The following SGMS1 variants were observed in gnomAD, a reference collection of about 807,000 sequenced individuals.
SGMS1 encodes the protein phosphatidylcholine:ceramide cholinephosphotransferase 1.
SGMS1 carries 13 observed loss-of-function variants against 46.2 expected under a neutral mutation model. The observed-to-expected ratio is 0.28, with a 90% CI of 0.18 to 0.45. The LOEUF (loss-of-function observed/expected upper bound fraction) is 0.45. Among genes scored for constraint, SGMS1 ranks in the 20% least tolerant of loss-of-function variants. SGMS1 has a pLI of 1.00. For synonymous variants in SGMS1, 203 were observed against 187.8 expected, an observed-to-expected ratio of 1.08 and a Z score of -0.66; for missense variants, 324 against 519.9, an observed-to-expected ratio of 0.62 and a Z score of 3.66.
At chr10:50,602,581 G>T (rs1838658899) in intron 1 of SGMS1, among the ~76,000 whole-genome samples, 1 of 152,144 alleles carries the variant, frequency 6.6e-6, no homozygotes, top group Non-Finnish European at 1.5e-5. Context: ...ACTCTCCTAG[G>T]CATGAGAGGG....
chr10:50,424,912 C>CAA (rs55683387), intron 6 of SGMS1, among the ~76,000 whole-genome samples: 25 of 52,074 alleles, frequency 4.8e-4, no homozygotes, highest in African/African-American at 1.0e-3. Context: ...AACTCCGTCT[C>CAA]AAAAAAAAAA....
intron 2 of SGMS1, among the ~76,000 whole-genome samples, chr10:50,581,479 G>A (rs1838433680): frequency 6.6e-6 from 1 of 152,190 alleles, no homozygotes; most frequent in Non-Finnish European, 1.5e-5. Flanking sequence ...TGTTGCTTTT[G>A]TTGCTGACAT....
intron 7 of SGMS1, chr10:50,341,369 A>C (rs755218527): frequency 2.2e-6 from 1 of 456,084 alleles, no homozygotes; most frequent in South Asian, 1.5e-5. Context: ...GATGGACCCC[A>C]GTAGAAGGAC....
intron 5 of SGMS1, among the ~76,000 whole-genome samples, chr10:50,448,385 A>T (rs556695207): frequency 3.9e-4 from 60 of 152,336 alleles, no homozygotes; most frequent in African/African-American, 1.3e-3. Flanking sequence ...ATCTATTGTG[A>T]TACCATATAC....
intron 3 of SGMS1, among the ~76,000 whole-genome samples, chr10:50,512,728 C>T (rs1837768174): frequency 6.6e-6 from 1 of 152,218 alleles, no homozygotes; most frequent in African/African-American, 2.4e-5. Flanking sequence ...CGCAAGAACT[C>T]CCAAATCAAA....
chr10:50,324,731 A>T (rs1462094667), intron 8 of SGMS1, among the ~76,000 whole-genome samples: 3 of 152,240 alleles, frequency 2.0e-5, no homozygotes, highest in African/African-American at 7.2e-5. Flanking sequence ...AAGTCTGCAG[A>T]GCCAACTTTC....
chr10:50,474,671 ATTGT>A (rs1837404505), intron 3 of SGMS1, among the ~76,000 whole-genome samples: 1 of 152,128 alleles, frequency 6.6e-6, no homozygotes, highest in Non-Finnish European at 1.5e-5. Flanking sequence ...CATACTGTTG[ATTGT>A]TCTATTTTTC....
intron 2 of SGMS1, among the ~76,000 whole-genome samples, chr10:50,537,240 A>AACGG (rs887664546): frequency 1.5e-4 from 23 of 152,258 alleles, no homozygotes; most frequent in African/African-American, 4.8e-4. Context: ...CTTTCTGATC[A>AACGG]ACGGACAAAG....
At chr10:50,354,034 C>G (rs1398401720) in intron 6 of SGMS1, among the ~76,000 whole-genome samples, 6 of 151,856 alleles carry the variant, frequency 4.0e-5, no homozygotes, top group Admixed American at 3.3e-4. Flanking sequence ...TTTATAGATT[C>G]AATGCCATCC....
chr10:50,500,711 T>C (rs892112411), intron 3 of SGMS1, among the ~76,000 whole-genome samples: 4 of 152,220 alleles, frequency 2.6e-5, no homozygotes, highest in African/African-American at 9.6e-5. Flanking sequence ...AAAACCTTAA[T>C]TATGTTACTG....
chr10:50,337,872 CAA>C lies in SGMS1; in HGVS notation c.623+5618_623+5619del, dbSNP rs56330245. Among the ~76,000 whole-genome samples, 476 of 102,742 alleles carry C rather than the reference CAA, an allele frequency of 4.6e-3. 2 individuals carry two copies. The highest frequency in any genetic ancestry group is 0.015 in the African/African-American group (378 of 25,656). 67.4% of individuals were successfully genotyped at this position (102,742 alleles called of 152,430 possible). ...AAAAGGCTTATCAAAGGTTAAAATACAAAAAAAAAAAAAAAAAGTCTTTCCCA... is the reference window on the plus strand; with the variant it reads ...AAAAGGCTTATCAAAGGTTAAAATACAAAAAAAAAAAAAAAGTCTTTCCCA... On this transcript the variant is annotated intron_variant, in intron 7 of 10. Transcript: ENST00000361781.
At chr10:50,379,019 CAA>C (rs1848562395) in intron 6 of SGMS1, among the ~76,000 whole-genome samples, 1 of 151,540 alleles carries the variant, frequency 6.6e-6, no homozygotes. Context: ...TAAAATATGC[CAA>C]AAGTATGAAA....
intron 6 of SGMS1, among the ~76,000 whole-genome samples, chr10:50,402,837 G>A (rs1363237687): frequency 6.6e-6 from 1 of 151,984 alleles, no homozygotes; most frequent in Non-Finnish European, 1.5e-5. Context: ...CCTGTCACCA[G>A]AGCAGTGTAC....
rs12267811 is a variant in SGMS1, at chr10:50,472,067, T to C, written c.-497-5135A>G. 5.0e-3 allele frequency among the ~76,000 whole-genome samples: 767 copies of C among 152,276 alleles called. 6 individuals carry two copies. The highest frequency in any genetic ancestry group is 0.017 in the African/African-American group (716 of 41,572). ...CACCTTTACTTTCTATATTTATTCA[T>C]TATTTTCTTTTTTAATTTTCTTTTT... On this transcript the variant is annotated intron_variant, in intron 3 of 10. Coordinates refer to ENST00000361781, the MANE Select transcript of SGMS1 (RefSeq NM_147156.4).
intron 3 of SGMS1, among the ~76,000 whole-genome samples, chr10:50,469,400 C>A (rs1837359217): frequency 1.3e-5 from 2 of 152,136 alleles, no homozygotes; most frequent in South Asian, 4.1e-4. Context: ...TGGTGATCTT[C>A]CTTTTATGGG....
chr10:50,325,670 A>C (rs1847519275), intron 8 of SGMS1, among the ~76,000 whole-genome samples: 1 of 152,232 alleles, frequency 6.6e-6, no homozygotes, highest in African/African-American at 2.4e-5. Flanking sequence ...AGTAGTCCTC[A>C]AGAAGAAACA....
chr10:50,618,027 T>C (rs983747447), intron 1 of SGMS1, among the ~76,000 whole-genome samples: 5 of 152,052 alleles, frequency 3.3e-5, no homozygotes, highest in Admixed American at 2.0e-4. Flanking sequence ...CCTTAATAAC[T>C]CTTAATAAAG....
chr10:50,618,825 A>G (rs1362493052), intron 1 of SGMS1, among the ~76,000 whole-genome samples: 2 of 152,222 alleles, frequency 1.3e-5, no homozygotes, highest in Non-Finnish European at 2.9e-5. Context: ...CATGTATCAG[A>G]ATCTCCAACC....
intron 3 of SGMS1, among the ~76,000 whole-genome samples, chr10:50,492,929 GCTCTT>G (rs1364834505): frequency 6.6e-6 from 1 of 152,148 alleles, no homozygotes; most frequent in Non-Finnish European, 1.5e-5. Context: ...AGGAAAGAGA[GCTCTT>G]CTCTTCTCCT....
Sources: allele counts gnomAD v4.1 joint callset (sites outside exome capture counted in the v4.1 genomes callset), GRCh38; gene constraint gnomAD v4.1.1; transcripts MANE v1.5; gene names NCBI Gene and HGNC (gene_info 2026-07-23, HGNC 2026-07-21).